Variants in LHFPL3 observed in about 807,000 individuals in gnomAD.
The protein encoded by LHFPL3 is LHFPL tetraspan subfamily member 3.
In LHFPL3, 5 loss-of-function variants were observed where a neutral mutation model predicts 19.3. The ratio of observed to expected loss-of-function variants is 0.26; its 90% confidence interval spans 0.14 to 0.54. The LOEUF (loss-of-function observed/expected upper bound fraction) is 0.54, where lower values mean the gene tolerates loss of function less well. Among genes scored for constraint, LHFPL3 ranks in the 20% least tolerant of loss-of-function variants. The probability of loss-of-function intolerance (pLI) is 0.94; values close to 1 mark genes in which losing one functional copy is unlikely to be tolerated. For synonymous variants in LHFPL3, 133 were observed against 126.2 expected, an observed-to-expected ratio of 1.05 and a Z score of -0.36; for missense variants, 249 against 307.4, an observed-to-expected ratio of 0.81 and a Z score of 1.42.
chr7:104,775,585 A>T (rs1425969075), intron 2 of LHFPL3, among the ~76,000 whole-genome samples: 1 of 152,156 alleles, frequency 6.6e-6, no homozygotes, highest in East Asian at 1.9e-4. Context: ...GAAACACTAT[A>T]GAGAATATGG....
At chr7:104,744,347 G>GA (rs558799703) in intron 2 of LHFPL3, among the ~76,000 whole-genome samples, 9 of 151,764 alleles carry the variant, frequency 5.9e-5, no homozygotes, top group African/African-American at 1.9e-4. Flanking sequence ...AGGAAGCCCA[G>GA]AAAAAAAAGT....
At chr7:104,857,414 G>A (rs182832365) in intron 2 of LHFPL3, among the ~76,000 whole-genome samples, 87 of 152,190 alleles carry the variant, frequency 5.7e-4, no homozygotes, top group Non-Finnish European at 1.1e-3. Flanking sequence ...GATTCATGAA[G>A]TATACAACAT....
At chr7:104,498,457 G>A (rs927165012) in intron 1 of LHFPL3, among the ~76,000 whole-genome samples, 1 of 150,890 alleles carries the variant, frequency 6.6e-6, no homozygotes, top group Admixed American at 6.6e-5. Flanking sequence ...CTTATTTGTT[G>A]CATTCACATA....
At chr7:104,619,628 A>C (rs1005833012) in intron 1 of LHFPL3, among the ~76,000 whole-genome samples, 1 of 152,126 alleles carries the variant, frequency 6.6e-6, no homozygotes, top group Non-Finnish European at 1.5e-5. Flanking sequence ...TATACTTGCC[A>C]CTTAATGCTT....
At chr7:104,816,390 G>T (rs917779358) in intron 2 of LHFPL3, among the ~76,000 whole-genome samples, 2 of 152,208 alleles carry the variant, frequency 1.3e-5, no homozygotes, top group African/African-American at 2.4e-5. Context: ...CACTATGCTG[G>T]CTCCTGAGAT....
intron 1 of LHFPL3, among the ~76,000 whole-genome samples, chr7:104,690,563 G>A (rs79296779): frequency 3.9e-5 from 6 of 152,220 alleles, no homozygotes; most frequent in Admixed American, 6.5e-5. Context: ...ACATATTTGC[G>A]TGCCAGGGGA....
intron 1 of LHFPL3, among the ~76,000 whole-genome samples, chr7:104,620,193 G>A (rs954874400): frequency 6.6e-6 from 1 of 152,056 alleles, no homozygotes; most frequent in African/African-American, 2.4e-5. Flanking sequence ...GACAAGCCTG[G>A]GACCCAGCCT....
intron 1 of LHFPL3, among the ~76,000 whole-genome samples, chr7:104,453,654 A>G (rs1314110991): frequency 6.6e-6 from 1 of 152,152 alleles, no homozygotes; most frequent in Non-Finnish European, 1.5e-5. Flanking sequence ...CTCATGGTGC[A>G]TGTAATCCCC....
chr7:104,735,903 C>T (rs917925870), intron 1 of LHFPL3, among the ~76,000 whole-genome samples: 13 of 152,238 alleles, frequency 8.5e-5, no homozygotes, highest in South Asian at 4.1e-4. Flanking sequence ...GATTGCATAA[C>T]TTGGCTATTG....
chr7:104,397,256 T>C (rs909275047), intron 1 of LHFPL3, among the ~76,000 whole-genome samples: 5 of 152,218 alleles, frequency 3.3e-5, no homozygotes, highest in African/African-American at 1.2e-4. Context: ...TTTTATATTA[T>C]GTAATATTTT....
At chr7:104,635,594 A>G (rs1302711263) in intron 1 of LHFPL3, among the ~76,000 whole-genome samples, 2 of 152,214 alleles carry the variant, frequency 1.3e-5, no homozygotes, top group Non-Finnish European at 2.9e-5. Context: ...TCATGCAAAT[A>G]TGAAAGTAGA....
chr7:104,529,856 A>G (rs184781425), intron 1 of LHFPL3, among the ~76,000 whole-genome samples: 12 of 152,314 alleles, frequency 7.9e-5, no homozygotes, highest in Admixed American at 2.6e-4. Flanking sequence ...GCCAGGCTGG[A>G]TGAACCAACA....
chr7:104,437,252 T>C (rs927760562), intron 1 of LHFPL3, among the ~76,000 whole-genome samples: 1 of 152,222 alleles, frequency 6.6e-6, no homozygotes, highest in African/African-American at 2.4e-5. Context: ...GAAACTATTG[T>C]GGAGATTCTA....
At chr7:104,485,665 A>G (rs1793222680) in intron 1 of LHFPL3, among the ~76,000 whole-genome samples, 1 of 152,202 alleles carries the variant, frequency 6.6e-6, no homozygotes, top group Non-Finnish European at 1.5e-5. Context: ...ACATGTGTAC[A>G]ACATGCAGGT....
At chr7:104,407,574 T>G (rs745480248) in intron 1 of LHFPL3, among the ~76,000 whole-genome samples, 10 of 152,216 alleles carry the variant, frequency 6.6e-5, no homozygotes, top group Non-Finnish European at 1.2e-4. Context: ...GAGAATTGCC[T>G]GAACCCAGGA....
At chr7:104,521,610 A>C (rs1794065298) in intron 1 of LHFPL3, among the ~76,000 whole-genome samples, 2 of 152,110 alleles carry the variant, frequency 1.3e-5, no homozygotes, top group Admixed American at 1.3e-4. Context: ...CAACCTACAA[A>C]ATGGGAGAAA....
At chr7:104,516,577 A>T (rs1192487617) in intron 1 of LHFPL3, among the ~76,000 whole-genome samples, 1 of 152,158 alleles carries the variant, frequency 6.6e-6, no homozygotes, top group Non-Finnish European at 1.5e-5. Context: ...GGGAAATGTG[A>T]ATCAAAACCA....
At chr7:104,544,988 T>A (rs1188544970) in intron 1 of LHFPL3, among the ~76,000 whole-genome samples, 2 of 151,842 alleles carry the variant, frequency 1.3e-5, no homozygotes, top group African/African-American at 4.8e-5. Flanking sequence ...AGTTTTTTCG[T>A]AAGGATTTAT....
intron 1 of LHFPL3, among the ~76,000 whole-genome samples, chr7:104,435,513 TAAAA>T (rs929660450): frequency 1.3e-5 from 2 of 150,794 alleles, no homozygotes; most frequent in Admixed American, 1.3e-4. Context: ...ATATTTTTTA[TAAAA>T]AAAGTCATTT....
Sources: allele counts gnomAD v4.1 joint callset (sites outside exome capture counted in the v4.1 genomes callset), GRCh38; gene constraint gnomAD v4.1.1; transcripts MANE v1.5; gene names NCBI Gene and HGNC (gene_info 2026-07-23, HGNC 2026-07-21).